Variants in TUBG1 observed in about 807,000 individuals in gnomAD.
The protein encoded by TUBG1 is tubulin gamma 1.
Under a neutral mutation model 53.3 loss-of-function variants are expected in TUBG1, and 22 were observed. That is an observed-to-expected ratio of 0.41 (90% CI 0.29 to 0.59). The LOEUF (loss-of-function observed/expected upper bound fraction) is 0.59. TUBG1 is among the 20% of genes least tolerant of loss of function. The pLI, the probability that TUBG1 is intolerant of heterozygous loss-of-function variation, is 0.26. For missense variants in TUBG1, 217 were observed against 598.9 expected (o/e 0.36, Z 6.66); for synonymous variants, 198 against 236.7 (o/e 0.84, Z 1.50).
intron 5 of TUBG1, 54 bp from the exon 6 acceptor site, chr17:42,612,893 A>G (rs2143453154): frequency 6.2e-7 from 1 of 1,607,096 alleles, no homozygotes; most frequent in South Asian, 1.1e-5. Flanking sequence ...AGGGAGCGCC[A>G]TGTTCACCAG....
intron 5 of TUBG1, 63 bp from the exon 6 acceptor site, chr17:42,612,884 G>C: frequency 1.2e-6 from 2 of 1,600,698 alleles, no homozygotes; most frequent in Non-Finnish European, 1.7e-6. Context: ...ACAGTTGTTA[G>C]GGAGCGCCAT....
chr17:42,613,637 G>A lies in TUBG1; in HGVS notation c.607-10G>A. On this transcript the variant is annotated splice_polypyrimidine_tract_variant and intron_variant, in intron 6 of 10. Coordinates refer to ENST00000251413, the MANE Select transcript of TUBG1 (RefSeq NM_001070.5). Reference sequence around the variant, plus strand: ...CCCCATTGATCTGTGATCCTCTTCTGTCCCCCCAGGTGGTGCTGGACAACA... The same window carrying A: ...CCCCATTGATCTGTGATCCTCTTCTATCCCCCCAGGTGGTGCTGGACAACA... The A allele has an allele frequency of 1.9e-6, 3 of 1,613,980 alleles. No individual in the cohort carries two copies. Among genetic ancestry groups the A allele is most frequent in the Non-Finnish European group, 2.5e-6 (3 of 1,180,010 alleles).
intron 5 of TUBG1, 38 bp from the exon 6 acceptor site, chr17:42,612,909 C>T (rs764391303): frequency 5.0e-6 from 8 of 1,611,092 alleles, no homozygotes; most frequent in East Asian, 4.5e-5. Flanking sequence ...ACCAGGCCTT[C>T]GGTCTGTTGC....
intron 3 of TUBG1, 34 bp downstream of exon 3, chr17:42,610,624 C>G (rs763993692): frequency 6.2e-7 from 1 of 1,613,824 alleles, no homozygotes; most frequent in Admixed American, 1.7e-5. Flanking sequence ...GCCCACAACT[C>G]GCTGGGTAGG....
chr17:42,613,058 G>A lies in TUBG1; in HGVS notation c.591G>A (p.Gln197=). 6.2e-7 allele frequency: 1 copy of A among 1,614,100 alleles called. No individual in the cohort carries two copies. The highest frequency in any genetic ancestry group is 8.5e-7 in the Non-Finnish European group (1 of 1,179,984). ...TCCTCACACTCAAGAGGCTGACGCA[G>A]AATGCAGACTGTGTGGTGAGTCCTG... The part of the protein sequence containing the change: ...NSLLTLKRLT[Q]NADCVVVLDN... Residue 197 remains glutamine (Q), a synonymous_variant, in exon 6 of 11, where the codon CAG becomes CAA. Coordinates refer to ENST00000251413, the MANE Select transcript of TUBG1 (RefSeq NM_001070.5).
chr17:42,612,248 C>T, intron 4 of TUBG1, 105 bp downstream of exon 4: 2 of 1,358,886 alleles, frequency 1.5e-6, no homozygotes, highest in Non-Finnish European at 2.1e-6. Flanking sequence ...ACCCTTTGCA[C>T]TGGACAGAAG....
At position 42,612,402 on chromosome 17, in the gene TUBG1, C is replaced by T. The variant is rs771964169; in HGVS notation, c.400-25C>T. The T allele has an allele frequency of 1.9e-6, 3 of 1,612,420 alleles. No individual in the cohort carries two copies. The South Asian group carries it at 3.3e-5, about 18-fold the overall frequency. On this transcript the variant is annotated intron_variant, in intron 4 of 10. Coordinates refer to ENST00000251413, the MANE Select transcript of TUBG1 (RefSeq NM_001070.5). ...GACATCCTGCCACTAGATACCTGTACACTGACTGCCCCTTCCCCATGCAGG... is the reference window on the plus strand; with the variant it reads ...GACATCCTGCCACTAGATACCTGTATACTGACTGCCCCTTCCCCATGCAGG...
In TUBG1 at chr17:42,614,528, C is replaced by G. The variant is rs1045710; in HGVS notation, c.1029C>G (p.Arg343=). 888,533 of 1,582,648 alleles carry G rather than the reference C, an allele frequency of 0.56. 255,870 individuals carry two copies. The highest frequency in any genetic ancestry group is 0.7 in the African/African-American group (51,930 of 74,330). The change falls in exon 10 of 11, where the codon CGC becomes CGG. Residue 343 remains arginine (R), a synonymous_variant. Transcript: ENST00000251413. The surrounding 1 kb of genome is among the most constrained non-coding windows in gnomAD (Gnocchi z 5.1). ...VHKSLQRIRE[R]KLANFIPWGP... The stretch of plus-strand genomic sequence containing the variant: ...AGAGCTTGCAGAGGATCCGGGAACG[C>G]AAGTTGGCCAACTTCATCCCGTGGG...
In TUBG1 at chr17:42,613,952, T is replaced by C. The variant is rs772913181; in HGVS notation, c.797T>C (p.Leu266Pro). The change falls in exon 8 of 11, where the codon CTC becomes CCC. Residue 266 changes from leucine to proline, a missense_variant. Leu to Pro is a moderately conservative substitution (Grantham distance 98). This residue lies in a region of TUBG1 where 135 missense variants were observed against 371.2 expected (regional missense o/e 0.36). Coordinates refer to ENST00000251413, the MANE Select transcript of TUBG1 (RefSeq NM_001070.5). ...LIASLIPTPRLHFLMTGYTPL... is the reference protein window; with the variant it reads ...LIASLIPTPRPHFLMTGYTPL... The stretch of plus-strand genomic sequence containing the variant: ...GCCTCGCTCATTCCCACCCCACGGC[T>C]CCACTTCCTCATGACCGGCTACACC... 7 of 1,613,960 alleles carry C rather than the reference T, an allele frequency of 4.3e-6. No individual in the cohort carries two copies. The Admixed American group carries it at 1.0e-4, about 23-fold the overall frequency.
intron 3 of TUBG1, 125 bp downstream of exon 3, chr17:42,610,715 G>A: frequency 7.2e-7 from 1 of 1,393,600 alleles, no homozygotes; most frequent in Non-Finnish European, 9.8e-7. Context: ...CTGGCTGCAG[G>A]GAGTGGACTA....
At chr17:42,612,389 C>G in intron 4 of TUBG1, 38 bp from the exon 5 acceptor site, 1 of 1,603,094 alleles carries the variant, frequency 6.2e-7, no homozygotes, top group Non-Finnish European at 8.5e-7. Context: ...CATCCTGCCA[C>G]TAGATACCTG....
intron 4 of TUBG1, 87 bp downstream of exon 4, chr17:42,612,230 A>AT: frequency 7.0e-7 from 1 of 1,427,924 alleles, no homozygotes; most frequent in Non-Finnish European, 9.9e-7. Context: ...AACAAGACCC[A>AT]CTCATGTACC....
chr17:42,611,044 T>C (rs2052028493), intron 3 of TUBG1: 1 of 153,298 alleles, frequency 6.5e-6, no homozygotes, highest in Admixed American at 6.5e-5. Flanking sequence ...CGCTCTCAGC[T>C]CACTGCAACC....
In TUBG1 at chr17:42,614,068, C is replaced by T; in HGVS notation, c.843+70C>T. On this transcript the variant is annotated intron_variant, in intron 8 of 10. Transcript: ENST00000251413. The surrounding 1 kb of genome is among the most constrained non-coding windows in gnomAD (Gnocchi z 5.1). The stretch of plus-strand genomic sequence containing the variant: ...CAACAGGCCCTGTCCTAGCCTTTCT[C>T]TCTTCCCCACTGCCCCAGGAGCTAC... 6.2e-7 allele frequency: 1 copy of T among 1,606,790 alleles called. No homozygotes were observed. The highest frequency in any genetic ancestry group is 8.5e-7 in the Non-Finnish European group (1 of 1,175,898).
At chr17:42,611,081 C>A (rs60609815) in intron 3 of TUBG1, 6,842 of 152,774 alleles carry the variant, frequency 0.045, 533 homozygotes, top group African/African-American at 0.16. Flanking sequence ...AAGCGATTCT[C>A]CTGCCTCAGC....
chr17:42,610,674 T>A, intron 3 of TUBG1, 84 bp downstream of exon 3: 1 of 1,589,880 alleles, frequency 6.3e-7, no homozygotes, highest in Non-Finnish European at 8.6e-7. Flanking sequence ...GAAAACCGGA[T>A]CAGGGATGTA....
At chr17:42,610,065 A>G in intron 1 of TUBG1, 43 bp from the exon 2 acceptor site, 1 of 1,610,466 alleles carries the variant, frequency 6.2e-7, no homozygotes, top group Non-Finnish European at 8.5e-7. Flanking sequence ...ACCTGCCCGG[A>G]CCTAGATATC....
Position 42,615,100 on chromosome 17 carries a change from G to T in TUBG1, c.*59G>T. On this transcript the variant is annotated 3_prime_UTR_variant, in exon 11 of 11. Transcript: ENST00000251413. ...TGGTTGGCCCAAGCCCTGCCTGACT[G>T]ACCACCCCCTCAGAGCACAGATCAG... 1 of 1,568,524 alleles carries T rather than the reference G, an allele frequency of 6.4e-7. No homozygotes were observed. Among genetic ancestry groups the T allele is most frequent in the South Asian group, 1.1e-5 (1 of 88,934 alleles).
chr17:42,610,625 G>T lies in TUBG1; in HGVS notation c.330+35G>T, dbSNP rs556400571. On this transcript the variant is annotated intron_variant, in intron 3 of 10. Coordinates refer to ENST00000251413, the MANE Select transcript of TUBG1 (RefSeq NM_001070.5). The stretch of plus-strand genomic sequence containing the variant: ...TATTCCCTGGCAGGGCCCACAACTC[G>T]CTGGGTAGGGACAGGCTCTATGACG... 6 of 1,613,930 alleles carry T rather than the reference G, an allele frequency of 3.7e-6. No homozygotes were observed. The South Asian group carries it at 5.5e-5, about 15-fold the overall frequency.
Sources: gnomAD v4.1 joint callset for allele counts on GRCh38, gnomAD v4.1.1 for gene constraint, gnomAD v4.1.1 regional missense constraint, Gnocchi (gnomAD v3.1) non-coding constraint, MANE v1.5 for transcripts, NCBI Gene and HGNC (gene_info 2026-07-23, HGNC 2026-07-21) for gene names.